SCAF11: variants seen among roughly 807,000 people sequenced by gnomAD.
The protein encoded by SCAF11 is protein SCAF11.
SCAF11 carries 47 observed loss-of-function variants against 140.5 expected under a neutral mutation model. The observed-to-expected ratio is 0.33, with a 90% CI of 0.26 to 0.43. SCAF11 has a LOEUF of 0.43. Ranked by LOEUF, SCAF11 falls within the 20% of genes least tolerant of loss-of-function variation. SCAF11 has a pLI of 1.00. For synonymous variants in SCAF11, 557 were observed against 579.4 expected (o/e 0.96, Z 0.55); for missense variants, 1,645 against 1,705.1 (o/e 0.96, Z 0.62).
At chr12:45,960,426 T>G (rs1945798394) in intron 3 of SCAF11, 2 of 152,034 alleles carry the variant, frequency 1.3e-5, no homozygotes, top group South Asian at 4.1e-4. Flanking sequence ...CTAAAAAAAT[T>G]TAACCACAAA....
chr12:45,928,476 C>A lies in SCAF11; in HGVS notation c.1225G>T (p.Glu409Ter). ...GGTGATGTGTCAGATTCTGCTGTTTCTTCATCTACTGAATCATTGGAAGAT... is the reference window on the plus strand; with the variant it reads ...GGTGATGTGTCAGATTCTGCTGTTTATTCATCTACTGAATCATTGGAAGAT... The part of the protein sequence containing the change: ...KSSSNDSVDE[E>*]TAESDTSPVL... The change falls in exon 11 of 15, where the codon GAA (glutamate) becomes TAA (stop). Residue 409 changes from glutamate to a stop codon, truncating the protein, a stop_gained. Transcript: ENST00000369367. LOFTEE classifies it high-confidence loss of function. 1 of 1,613,280 alleles carries A rather than the reference C, an allele frequency of 6.2e-7. No individual in the cohort carries two copies. Among genetic ancestry groups the A allele is most frequent in the Admixed American group, 1.7e-5 (1 of 59,910 alleles).
At chr12:45,969,325 C>T (rs1252072378) in intron 1 of SCAF11, among the ~76,000 whole-genome samples, 2 of 151,934 alleles carry the variant, frequency 1.3e-5, no homozygotes, top group Non-Finnish European at 2.9e-5. Context: ...AATTACTACC[C>T]TTCTTTCCTT....
chr12:45,929,022 G>A (rs1944974247), intron 10 of SCAF11, 163 bp from the exon 11 acceptor site: 1 of 399,668 alleles, frequency 2.5e-6, no homozygotes, highest in Non-Finnish European at 4.3e-6. Flanking sequence ...TGAGTAATAT[G>A]ACTTATTCAT....
rs754434374 is a variant in SCAF11, at chr12:45,927,360, T to C, written c.2341A>G (p.Ile781Val). 2.5e-6 allele frequency: 4 copies of C among 1,614,172 alleles called. No individual in the cohort carries two copies. In the South Asian group the frequency reaches 3.3e-5, roughly 13 times the overall value. ...GTACGAGGCTTTTTGGTTTTATCTA[T>C]GGTATCTTTTGGGCTTTCAGATGGT... ...SQPSESPKDT[I>V]DKTKKPRTRR... Residue 781 changes from isoleucine to valine, a missense_variant, in exon 11 of 15, where the codon ATA (isoleucine) becomes GTA (valine). By Grantham distance (29) the Ile-to-Val change is conservative. This residue lies in a region of SCAF11 where 1,582 missense variants were observed against 1,609.2 expected (regional missense o/e 0.98). Coordinates refer to ENST00000369367, the MANE Select transcript of SCAF11 (RefSeq NM_004719.3).
chr12:45,957,284 A>G (rs1403212225), intron 3 of SCAF11, among the ~76,000 whole-genome samples: 2 of 152,308 alleles, frequency 1.3e-5, no homozygotes, highest in East Asian at 1.9e-4. Flanking sequence ...TTACTGAATT[A>G]TATTACTTAA....
Position 45,919,386 on chromosome 12 carries a change from T to G in SCAF11, c.*2662A>C, listed in dbSNP as rs887147998. The G allele has an allele frequency of 6.6e-6, 1 of 152,576 alleles. No individual in the cohort carries two copies. The highest frequency in any genetic ancestry group is 2.4e-5 in the African/African-American group (1 of 41,452). The allele number at this position is 152,576 out of a possible 1,614,324, so 9.5% of individuals were successfully genotyped here. On this transcript the variant is annotated 3_prime_UTR_variant, in exon 15 of 15. Transcript: ENST00000369367. ...CAAATTTTAAAAAGCACAAAACTTT[T>G]GGAATGTTAATGGATAACTACTATT... is the stretch of plus-strand genomic sequence containing the variant.
chr12:45,922,322 C>A (rs1201888885), intron 14 of SCAF11, 128 bp from the exon 15 acceptor site: 2 of 1,459,890 alleles, frequency 1.4e-6, no homozygotes, highest in South Asian at 1.3e-5. Context: ...TTATCTCACA[C>A]AAACTAATCA....
chr12:45,947,907 G>A (rs1255588083), intron 5 of SCAF11, among the ~76,000 whole-genome samples: 3 of 151,992 alleles, frequency 2.0e-5, no homozygotes, highest in Non-Finnish European at 4.4e-5. Context: ...GAACTCCTGA[G>A]CTCAAGTGAT....
At chr12:45,967,527 C>T (rs558094929) in intron 1 of SCAF11, among the ~76,000 whole-genome samples, 1 of 152,206 alleles carries the variant, frequency 6.6e-6, no homozygotes, top group East Asian at 1.9e-4. Flanking sequence ...ACCTATAATG[C>T]CAGCTACAAG....
chr12:45,972,931 T>TATATATAGATATATATATAG (rs1565689040), intron 1 of SCAF11, among the ~76,000 whole-genome samples: 5 of 76,184 alleles, frequency 6.6e-5, no homozygotes, highest in East Asian at 4.7e-4. Context: ...GATATATAGA[T>TATATATAGATATATATATAG]ATATATAGAT....
At chr12:45,931,676 G>T in intron 9 of SCAF11, 64 bp from the exon 10 acceptor site, 1 of 811,900 alleles carries the variant, frequency 1.2e-6, no homozygotes, top group Non-Finnish European at 1.9e-6. Context: ...CAATTTAAAA[G>T]TATTAATTCT....
At chr12:45,963,455 G>C (rs1228210995) in intron 2 of SCAF11, among the ~76,000 whole-genome samples, 1 of 150,522 alleles carries the variant, frequency 6.6e-6, no homozygotes, top group Non-Finnish European at 1.5e-5. Context: ...AAAGTGCTAA[G>C]AGAAAAAAAA....
Position 45,921,892 on chromosome 12 carries a change from T to C in SCAF11, c.*156A>G. ...ATACAGAAGTTGCAGTGCAGACCTA[T>C]ATTTATTTAGAACAAAACATCATAT... On this transcript the variant is annotated 3_prime_UTR_variant, in exon 15 of 15. Transcript: ENST00000369367. 1 of 854,990 alleles carries C rather than the reference T, an allele frequency of 1.2e-6. No homozygotes were observed. The highest frequency in any genetic ancestry group is 1.8e-6 in the Non-Finnish European group (1 of 559,612). 53.0% of individuals were successfully genotyped at this position (854,990 alleles called of 1,614,324 possible).
chr12:45,958,776 T>C (rs557404140), intron 3 of SCAF11, among the ~76,000 whole-genome samples: 212 of 152,306 alleles, frequency 1.4e-3, no homozygotes, highest in African/African-American at 5.0e-3. Flanking sequence ...GATTCTGACA[T>C]ACCCAAAGAC....
At chr12:45,959,441 T>A (rs1945773859) in intron 3 of SCAF11, among the ~76,000 whole-genome samples, 1 of 152,220 alleles carries the variant, frequency 6.6e-6, no homozygotes, top group Admixed American at 6.5e-5. Flanking sequence ...AAATTAAATG[T>A]TAGAATGTGT....
In SCAF11 at chr12:45,923,012, T is replaced by C; in HGVS notation, c.4049A>G (p.Asn1350Ser). The change falls in exon 13 of 15, where the codon AAT becomes AGT. Residue 1350 changes from asparagine (N) to serine (S), a missense_variant. Physicochemically the swap from Asn to Ser is conservative, Grantham distance 46 (BLOSUM62 1). This residue lies in a region of SCAF11 where 1,582 missense variants were observed against 1,609.2 expected (regional missense o/e 0.98). Transcript: ENST00000369367. ...GCTTTCTGCCAATTTTACAGCAGCA[T>C]TAGAGGCTTTGCTGTGACTTGATGA... ...TSSSSHSKAS[N>S]AAVKLAESKV... 3 of 1,614,194 alleles carry C rather than the reference T, an allele frequency of 1.9e-6. No individual in the cohort carries two copies. The highest frequency in any genetic ancestry group is 2.5e-6 in the Non-Finnish European group (3 of 1,180,020).
At chr12:45,965,711 G>T (rs1468444654) in intron 1 of SCAF11, among the ~76,000 whole-genome samples, 3 of 152,230 alleles carry the variant, frequency 2.0e-5, no homozygotes, top group African/African-American at 7.2e-5. Context: ...AGAAATCCTT[G>T]ATTTTATCAG....
chr12:45,928,263 G>C lies in SCAF11; in HGVS notation c.1438C>G (p.Gln480Glu), dbSNP rs1243078971. The change falls in exon 11 of 15, where the codon CAA (glutamine) becomes GAA (glutamate). Residue 480 changes from glutamine to glutamate, a missense_variant. Coordinates refer to ENST00000369367, the MANE Select transcript of SCAF11 (RefSeq NM_004719.3). Reference protein sequence around the residue: ...VGSSSSESCAQDLPVLVGEEG... With the variant: ...VGSSSSESCAEDLPVLVGEEG... Reference sequence around the variant, plus strand: ...TCACCAACTAGCACAGGAAGATCTTGAGCACAAGACTCAGAAGATGAAGAT... The same window carrying C: ...TCACCAACTAGCACAGGAAGATCTTCAGCACAAGACTCAGAAGATGAAGAT... 1.2e-6 allele frequency: 2 copies of C among 1,613,784 alleles called. No individual in the cohort carries two copies. Among genetic ancestry groups the C allele is most frequent in the Admixed American group, 3.3e-5 (2 of 59,996 alleles).
rs182320090 is a variant in SCAF11, at chr12:45,951,660, C to T, written c.287G>A (p.Gly96Asp). The change falls in exon 4 of 15, where the codon GGT becomes GAT. Residue 96 changes from glycine to aspartate, a missense_variant. Transcript: ENST00000369367. ...AATAAAAAGACTTACCTTAACATAA[C>T]CTTCCAATGCACTGAATTTAAACAC... ...QAVFKFSALE[G>D]YVKVQVKKQL... is the part of the protein sequence containing the mutation. The T allele has an allele frequency of 6.3e-6, 10 of 1,581,036 alleles. No homozygotes were observed. Among genetic ancestry groups the T allele is most frequent in the South Asian group, 2.4e-5 (2 of 84,662 alleles).
Sources: gnomAD v4.1 joint callset for allele counts (sites outside exome capture counted in the v4.1 genomes callset) on GRCh38, gnomAD v4.1.1 for gene constraint, gnomAD v4.1.1 regional missense constraint, MANE v1.5 for transcripts, NCBI Gene and HGNC (gene_info 2026-07-23, HGNC 2026-07-21) for gene names.